The following ARHGAP42 variants were observed in gnomAD, a reference collection of about 807,000 sequenced individuals.
ARHGAP42 encodes Rho GTPase activating protein 42.
In ARHGAP42, 63 loss-of-function variants were observed where a neutral mutation model predicts 125.0. The observed-to-expected ratio is 0.50, with a 90% confidence interval of 0.41 to 0.62. The LOEUF is 0.62. Ranked by LOEUF, ARHGAP42 falls within the 20% of genes least tolerant of loss-of-function variation. The pLI is 0.00. For synonymous variants in ARHGAP42, 339 were observed against 351.0 expected (o/e 0.97, Z 0.38); for missense variants, 766 against 1,024.2 (o/e 0.75, Z 3.44).
At chr11:100,690,467 C>T (rs1861167797) in intron 1 of ARHGAP42, among the ~76,000 whole-genome samples, 1 of 152,128 alleles carries the variant, frequency 6.6e-6, no homozygotes, top group South Asian at 2.1e-4. Flanking sequence ...GTTGTAATTT[C>T]TTCAGTAGAC....
chr11:100,821,035 G>C (rs944207662), intron 3 of ARHGAP42, among the ~76,000 whole-genome samples: 2 of 151,836 alleles, frequency 1.3e-5, no homozygotes, highest in Non-Finnish European at 1.5e-5. Flanking sequence ...GTAAGAAAAG[G>C]TATCTGACTT....
At chr11:100,860,450 TC>T (rs1482170246) in intron 4 of ARHGAP42, among the ~76,000 whole-genome samples, 1 of 152,090 alleles carries the variant, frequency 6.6e-6, no homozygotes, top group African/African-American at 2.4e-5. Flanking sequence ...GATGAAACCT[TC>T]TGTGGTTCTG....
intron 1 of ARHGAP42, among the ~76,000 whole-genome samples, chr11:100,734,734 T>A (rs1452071035): frequency 1.3e-5 from 2 of 152,224 alleles, no homozygotes; most frequent in African/African-American, 4.8e-5. Flanking sequence ...ACAATCCCAG[T>A]TGAACCAATG....
chr11:100,839,190 A>G (rs1218828825), intron 3 of ARHGAP42, among the ~76,000 whole-genome samples: 1 of 152,204 alleles, frequency 6.6e-6, no homozygotes, highest in Non-Finnish European at 1.5e-5. Flanking sequence ...TTGGCCAGCC[A>G]TTCTTAATGA....
intron 1 of ARHGAP42, among the ~76,000 whole-genome samples, chr11:100,713,722 C>G (rs1053571564): frequency 6.6e-6 from 1 of 152,040 alleles, no homozygotes; most frequent in Non-Finnish European, 1.5e-5. Flanking sequence ...TATAATAAAA[C>G]ATTGTTATTG....
chr11:100,909,391 G>A (rs1280416478), intron 4 of ARHGAP42, among the ~76,000 whole-genome samples: 5 of 149,604 alleles, frequency 3.3e-5, no homozygotes, highest in Admixed American at 2.0e-4. Context: ...TGTTGCCCAG[G>A]CTGGAGTGCA....
chr11:100,943,650 C>A, intron 9 of ARHGAP42, 109 bp from the exon 10 acceptor site: 1 of 682,324 alleles, frequency 1.5e-6, no homozygotes, highest in Non-Finnish European at 2.4e-6. Flanking sequence ...GACCTTTATA[C>A]ATAACCTATA....
intron 4 of ARHGAP42, among the ~76,000 whole-genome samples, chr11:100,883,582 A>C (rs143732036): frequency 8.6e-4 from 131 of 152,272 alleles, no homozygotes; most frequent in African/African-American, 2.8e-3. Context: ...ACCTCCAGTG[A>C]TCCACCTGCC....
chr11:100,775,240 T>C (rs1174634454), intron 2 of ARHGAP42, among the ~76,000 whole-genome samples: 1 of 152,098 alleles, frequency 6.6e-6, no homozygotes, highest in Non-Finnish European at 1.5e-5. Context: ...TGTTTTGAAC[T>C]GAGTAAGGAA....
intron 2 of ARHGAP42, among the ~76,000 whole-genome samples, chr11:100,776,612 T>G (rs1863130641): frequency 6.6e-6 from 1 of 152,210 alleles, no homozygotes; most frequent in South Asian, 2.1e-4. Flanking sequence ...ACATAACTAG[T>G]GTATTGCTGG....
intron 1 of ARHGAP42, among the ~76,000 whole-genome samples, chr11:100,710,792 G>T (rs1376152947): frequency 2.0e-5 from 3 of 152,122 alleles, no homozygotes; most frequent in African/African-American, 7.2e-5. Context: ...GCCCGCCTCG[G>T]TCTCCCAAAG....
intron 3 of ARHGAP42, chr11:100,839,422 C>G (rs1864891138): frequency 6.6e-6 from 1 of 152,118 alleles, no homozygotes; most frequent in African/African-American, 2.4e-5. Flanking sequence ...CATACTATAA[C>G]TTCCACACAC....
chr11:100,960,020 AATC>A, intron 13 of ARHGAP42, 75 bp downstream of exon 13: 1 of 1,297,024 alleles, frequency 7.7e-7, no homozygotes, highest in Non-Finnish European at 1.1e-6. Context: ...AGAGTAGATA[AATC>A]ATTGAAGATG....
At chr11:100,760,436 C>T (rs971122446) in intron 1 of ARHGAP42, among the ~76,000 whole-genome samples, 1 of 152,140 alleles carries the variant, frequency 6.6e-6, no homozygotes, top group African/African-American at 2.4e-5. Flanking sequence ...CAGTGGCTTA[C>T]ACTTGTAATC....
chr11:100,925,133 G>A (rs974744492), intron 6 of ARHGAP42, among the ~76,000 whole-genome samples: 41 of 151,964 alleles, frequency 2.7e-4, no homozygotes, highest in African/African-American at 9.7e-4. Context: ...CACCTGGCCT[G>A]AAATCAGCTT....
chr11:100,809,962 A>T (rs1864096395), intron 3 of ARHGAP42, among the ~76,000 whole-genome samples: 1 of 152,112 alleles, frequency 6.6e-6, no homozygotes, highest in African/African-American at 2.4e-5. Flanking sequence ...GAGAAGCCAG[A>T]GGCATAAAAA....
intron 4 of ARHGAP42, among the ~76,000 whole-genome samples, chr11:100,882,251 C>T (rs565921603): frequency 2.6e-5 from 4 of 152,170 alleles, no homozygotes; most frequent in East Asian, 1.9e-4. Flanking sequence ...GCTTTTATTA[C>T]GTTGAGCTAT....
intron 4 of ARHGAP42, among the ~76,000 whole-genome samples, chr11:100,908,410 T>C (rs1866812986): frequency 6.6e-6 from 1 of 152,208 alleles, no homozygotes; most frequent in Middle Eastern, 3.2e-3. Flanking sequence ...TCCCACTGTT[T>C]GGAGTCTCCA....
chr11:100,751,954 A>T (rs1390859959), intron 1 of ARHGAP42, among the ~76,000 whole-genome samples: 1 of 151,530 alleles, frequency 6.6e-6, no homozygotes, highest in Non-Finnish European at 1.5e-5. Flanking sequence ...TAATTTTGGT[A>T]TTTTTAATAG....
Sources: gnomAD v4.1 joint callset for allele counts (sites outside exome capture counted in the v4.1 genomes callset) on GRCh38, gnomAD v4.1.1 for gene constraint, MANE v1.5 for transcripts, NCBI Gene and HGNC (gene_info 2026-07-23, HGNC 2026-07-21) for gene names.